PRORP: variants seen among roughly 807,000 people sequenced by gnomAD.
PRORP encodes the protein protein only RNase P catalytic subunit, also known as mitochondrial ribonuclease P catalytic subunit.
A neutral mutation model predicts 59.4 loss-of-function variants in PRORP; 51 were observed. The observed-to-expected ratio is 0.86, with a 90% CI of 0.69 to 1.08. The LOEUF (loss-of-function observed/expected upper bound fraction) is 1.08, where lower values mean the gene tolerates loss of function less well. PRORP is among the 50% of genes least tolerant of loss of function. The probability of loss-of-function intolerance (pLI) is 0.00; values close to 1 mark genes in which losing one functional copy is unlikely to be tolerated. For synonymous variants in PRORP, 231 were observed against 245.6 expected (o/e 0.94, Z 0.55); for missense variants, 646 against 690.3 (o/e 0.94, Z 0.72).
At chr14:35,220,266 C>T (rs1329976097) in intron 5 of PRORP, among the ~76,000 whole-genome samples, 1 of 152,200 alleles carries the variant, frequency 6.6e-6, no homozygotes. Context: ...AGTCATGACA[C>T]ATTCGTCATT....
At chr14:35,151,775 A>C (rs1475357067) in intron 4 of PRORP, among the ~76,000 whole-genome samples, 1 of 151,968 alleles carries the variant, frequency 6.6e-6, no homozygotes, top group Non-Finnish European at 1.5e-5. Context: ...TATCCTCATA[A>C]CTCAGAATAG....
At chr14:35,256,028 G>A (rs2050742729) in intron 5 of PRORP, among the ~76,000 whole-genome samples, 1 of 151,988 alleles carries the variant, frequency 6.6e-6, no homozygotes, top group Non-Finnish European at 1.5e-5. Flanking sequence ...GTTCACGCCT[G>A]TAATCCCAGC....
Position 35,235,233 on chromosome 14 carries a change from C to T in PRORP, c.1276-31494C>T, listed in dbSNP as rs1350469359. ...GCCTTTTCGAGCTTGGTGATGCGAG[C>T]CACAGACTTGGGACCCAGGACATTG... On this transcript the variant is annotated intron_variant, in intron 5 of 7. Coordinates refer to ENST00000534898, the MANE Select transcript of PRORP (RefSeq NM_014672.4). The T allele has an allele frequency of 5.5e-6, 4 of 727,650 alleles. No homozygotes were observed. In the Admixed American group the frequency reaches 7.1e-5, roughly 13 times the overall value. The allele number at this position is 727,650 out of a possible 1,614,324, so 45.1% of individuals were successfully genotyped here. A position where few individuals can be genotyped will look rare whatever the true frequency, so the allele number is the denominator to read the frequency against.
intron 5 of PRORP, among the ~76,000 whole-genome samples, chr14:35,201,959 C>A (rs2049162751): frequency 6.8e-6 from 1 of 146,200 alleles, no homozygotes; most frequent in South Asian, 2.2e-4. Context: ...TGCCCCGCCA[C>A]AAAATTATTA....
intron 5 of PRORP, among the ~76,000 whole-genome samples, chr14:35,231,478 G>C (rs907314823): frequency 1.3e-5 from 2 of 152,064 alleles, no homozygotes; most frequent in Non-Finnish European, 2.9e-5. Flanking sequence ...TTTTGTATTT[G>C]TTTGGCTTTG....
intron 2 of PRORP, 62 bp downstream of exon 2, chr14:35,124,293 G>A (rs936503257): frequency 1.8e-6 from 2 of 1,124,610 alleles, no homozygotes; most frequent in African/African-American, 1.6e-5. Context: ...TTTGAGACAG[G>A]GTCTTGCTCT....
intron 4 of PRORP, among the ~76,000 whole-genome samples, chr14:35,133,027 T>G (rs1047761229): frequency 6.6e-6 from 1 of 152,110 alleles, no homozygotes; most frequent in African/African-American, 2.4e-5. Flanking sequence ...GTTCAAGCGA[T>G]TATCCTGCCT....
intron 5 of PRORP, among the ~76,000 whole-genome samples, chr14:35,244,165 T>C (rs778794807): frequency 1.1e-4 from 16 of 152,340 alleles, no homozygotes; most frequent in Middle Eastern, 3.4e-3. Flanking sequence ...TGTGAGGGCT[T>C]GGGGATTTCT....
In PRORP at chr14:35,258,143, T is replaced by C. The variant is rs374511841; in HGVS notation, c.1276-8584T>C. ...AACCAGAAAAATTCAAACCAAATATTAATCTGAAATATGTTTGTTTGTTCA... is the reference window on the plus strand; with the variant it reads ...AACCAGAAAAATTCAAACCAAATATCAATCTGAAATATGTTTGTTTGTTCA... On this transcript the variant is annotated intron_variant, in intron 5 of 7. Coordinates refer to ENST00000534898, the MANE Select transcript of PRORP (RefSeq NM_014672.4). Among the ~76,000 whole-genome samples the C allele has an allele frequency of 7.9e-4, 120 of 152,210 alleles. 1 individual carries two copies. The highest frequency in any genetic ancestry group is 2.7e-3 in the African/African-American group (114 of 41,514).
chr14:35,165,634 A>AT (rs1273524739), intron 4 of PRORP, among the ~76,000 whole-genome samples: 3 of 105,110 alleles, frequency 2.9e-5, no homozygotes, highest in Non-Finnish European at 6.1e-5. Flanking sequence ...CGATTAGGTG[A>AT]TTTTTTTCAT....
intron 5 of PRORP, among the ~76,000 whole-genome samples, chr14:35,208,360 G>C (rs1382094901): frequency 6.6e-6 from 1 of 152,100 alleles, no homozygotes; most frequent in African/African-American, 2.4e-5. Flanking sequence ...AGAATCCCTT[G>C]AGCCCAGGAG....
chr14:35,123,618 G>C lies in PRORP; in HGVS notation c.373G>C (p.Asp125His). 6.2e-7 allele frequency: 1 copy of C among 1,614,196 alleles called. No individual in the cohort carries two copies. Among genetic ancestry groups the C allele is most frequent in the Non-Finnish European group, 8.5e-7 (1 of 1,180,036 alleles). Residue 125 changes from aspartate (D) to histidine (H), a missense_variant, in exon 2 of 8, where the codon GAT becomes CAT. Physicochemically the swap from Asp to His is moderately conservative, Grantham distance 81 (BLOSUM62 -1). Coordinates refer to ENST00000534898, the MANE Select transcript of PRORP (RefSeq NM_014672.4). ...ACAACCTTTGAATTCAGAGGAGTGG[G>C]ATAAACTTAAGGAAGATTTAAAAGA... ...PTQPLNSEEW[D>H]KLKEDLKENT...
At chr14:35,133,024 C>T (rs1486503388) in intron 4 of PRORP, among the ~76,000 whole-genome samples, 2 of 151,936 alleles carry the variant, frequency 1.3e-5, no homozygotes, top group African/African-American at 2.4e-5. Context: ...CAGGTTCAAG[C>T]GATTATCCTG....
chr14:35,198,643 A>G (rs2049064930), intron 5 of PRORP, among the ~76,000 whole-genome samples: 1 of 152,250 alleles, frequency 6.6e-6, no homozygotes, highest in Non-Finnish European at 1.5e-5. Context: ...TTACAAAAAG[A>G]AGCATATGTC....
chr14:35,235,219 C>T (rs373894710), intron 5 of PRORP: 2 of 718,598 alleles, frequency 2.8e-6, no homozygotes, highest in South Asian at 1.3e-5. Flanking sequence ...CCTTTTCGAG[C>T]TTGGTGATGC....
intron 5 of PRORP, among the ~76,000 whole-genome samples, chr14:35,225,591 C>T (rs1166112670): frequency 1.3e-5 from 2 of 152,106 alleles, no homozygotes; most frequent in East Asian, 3.9e-4. Flanking sequence ...AGGTGATCCA[C>T]CCACCTTGGC....
chr14:35,265,251 T>C (rs1324018458), intron 5 of PRORP, among the ~76,000 whole-genome samples: 1 of 152,206 alleles, frequency 6.6e-6, no homozygotes, highest in Non-Finnish European at 1.5e-5. Context: ...ATAAAGGATT[T>C]CTGCAAGACC....
At chr14:35,195,425 C>G (rs890736490) in intron 5 of PRORP, among the ~76,000 whole-genome samples, 1 of 151,838 alleles carries the variant, frequency 6.6e-6, no homozygotes, top group Non-Finnish European at 1.5e-5. Flanking sequence ...AGGATGATCC[C>G]ATTTTTTGAA....
Position 35,180,691 on chromosome 14 carries a change from T to C in PRORP, c.1189T>C (p.Phe397Leu). The C allele has an allele frequency of 1.2e-6, 2 of 1,610,734 alleles. No homozygotes were observed. Among genetic ancestry groups the C allele is most frequent in the African/African-American group, 1.3e-5 (1 of 74,976 alleles). The change falls in exon 5 of 8, where the codon TTC becomes CTC. Residue 397 changes from phenylalanine to leucine, a missense_variant. Coordinates refer to ENST00000534898, the MANE Select transcript of PRORP (RefSeq NM_014672.4). ...TTAGGAACTTAAGAGATTTGAGAAC[T>C]TCATAAAATCTCGTCCTCCTTTTGA... ...TPQELKRFEN[F>L]IKSRPPFDVV... is the part of the protein sequence containing the mutation.
Sources: allele counts gnomAD v4.1 joint callset (sites outside exome capture counted in the v4.1 genomes callset), GRCh38; gene constraint gnomAD v4.1.1; transcripts MANE v1.5; gene names NCBI Gene and HGNC (gene_info 2026-07-23, HGNC 2026-07-21).